Variants in KCNH7 observed in about 807,000 individuals in gnomAD.
KCNH7 encodes voltage-gated inwardly rectifying potassium channel KCNH7.
KCNH7 carries 49 observed loss-of-function variants against 120.8 expected under a neutral mutation model. The observed-to-expected ratio is 0.41, with a 90% confidence interval of 0.32 to 0.51. KCNH7 has a LOEUF of 0.51. KCNH7 is among the 20% of genes least tolerant of loss of function. The pLI is 0.38. For synonymous variants in KCNH7, 547 were observed against 516.1 expected, an observed-to-expected ratio of 1.06 and a Z score of -0.81; for missense variants, 1,097 against 1,446.6, an observed-to-expected ratio of 0.76 and a Z score of 3.92.
At chr2:162,583,061 C>T (rs938500495) in intron 2 of KCNH7, among the ~76,000 whole-genome samples, 1 of 151,026 alleles carries the variant, frequency 6.6e-6, no homozygotes. Context: ...GTGGTAAATG[C>T]TAAATTTCAA....
intron 12 of KCNH7, among the ~76,000 whole-genome samples, chr2:162,388,444 T>C (rs1402857429): frequency 1.3e-5 from 2 of 151,824 alleles, no homozygotes; most frequent in Non-Finnish European, 2.9e-5. Context: ...TTTCATAATG[T>C]ATACAAATAT....
intron 6 of KCNH7, among the ~76,000 whole-genome samples, chr2:162,473,623 T>G (rs1297193698): frequency 6.6e-6 from 1 of 152,196 alleles, no homozygotes; most frequent in African/African-American, 2.4e-5. Flanking sequence ...TCTGCCCACA[T>G]TCATTAAGGA....
intron 2 of KCNH7, among the ~76,000 whole-genome samples, chr2:162,682,721 T>C (rs1022514067): frequency 6.6e-6 from 1 of 151,828 alleles, no homozygotes; most frequent in Non-Finnish European, 1.5e-5. Flanking sequence ...GTAATCGCTG[T>C]TGTAATCAAA....
At chr2:162,602,071 C>T (rs1311604925) in intron 2 of KCNH7, among the ~76,000 whole-genome samples, 1 of 151,878 alleles carries the variant, frequency 6.6e-6, no homozygotes, top group Non-Finnish European at 1.5e-5. Context: ...TTGGAGAGGA[C>T]CCACATAGGA....
At chr2:162,647,141 T>A (rs973000088) in intron 2 of KCNH7, among the ~76,000 whole-genome samples, 22 of 152,320 alleles carry the variant, frequency 1.4e-4, no homozygotes, top group South Asian at 1.0e-3. Context: ...TTAGTTTATG[T>A]GTCCACCTAA....
At chr2:162,715,843 A>C (rs1687099233) in intron 2 of KCNH7, among the ~76,000 whole-genome samples, 1 of 152,122 alleles carries the variant, frequency 6.6e-6, no homozygotes, top group Non-Finnish European at 1.5e-5. Flanking sequence ...TATGGGAAGT[A>C]TGTTTAGAAT....
intron 6 of KCNH7, among the ~76,000 whole-genome samples, chr2:162,489,327 T>G (rs764635302): frequency 6.6e-6 from 1 of 152,138 alleles, no homozygotes; most frequent in Non-Finnish European, 1.5e-5. Context: ...GAATAATTGT[T>G]TTGGGCCACA....
At chr2:162,795,024 G>GATA in intron 2 of KCNH7, among the ~76,000 whole-genome samples, 1 of 151,844 alleles carries the variant, frequency 6.6e-6, no homozygotes, top group East Asian at 1.9e-4. Flanking sequence ...TTGACCAGTT[G>GATA]GTCAGTAGTT....
At chr2:162,696,580 T>G (rs912943617) in intron 2 of KCNH7, among the ~76,000 whole-genome samples, 2 of 152,120 alleles carry the variant, frequency 1.3e-5, no homozygotes, top group African/African-American at 4.8e-5. Context: ...CAAAGACCAC[T>G]GCACTAGCAA....
chr2:162,829,582 G>T (rs1025264025), intron 2 of KCNH7, among the ~76,000 whole-genome samples: 4 of 152,082 alleles, frequency 2.6e-5, no homozygotes, highest in African/African-American at 9.7e-5. Context: ...GCAAGTGAGT[G>T]ACACTTAGGT....
intron 2 of KCNH7, among the ~76,000 whole-genome samples, chr2:162,609,969 G>C (rs1682908758): frequency 6.6e-6 from 1 of 152,188 alleles, no homozygotes; most frequent in Non-Finnish European, 1.5e-5. Context: ...GGAGGGTTCA[G>C]ATTCTAAGCT....
chr2:162,805,641 T>C (rs1684512221), intron 2 of KCNH7, among the ~76,000 whole-genome samples: 1 of 152,112 alleles, frequency 6.6e-6, no homozygotes, highest in Non-Finnish European at 1.5e-5. Context: ...GGTGGGAATA[T>C]AAATTAGGAT....
chr2:162,507,750 C>G (rs1377465472), intron 5 of KCNH7, among the ~76,000 whole-genome samples: 2 of 151,498 alleles, frequency 1.3e-5, no homozygotes, highest in African/African-American at 4.8e-5. Flanking sequence ...ACCATACTTC[C>G]TTATTTTCTC....
At chr2:162,586,344 A>T (rs1479161703) in intron 2 of KCNH7, among the ~76,000 whole-genome samples, 2 of 151,948 alleles carry the variant, frequency 1.3e-5, no homozygotes, top group African/African-American at 4.8e-5. Flanking sequence ...AGAGCACCAG[A>T]CTCTGAAAAA....
intron 2 of KCNH7, among the ~76,000 whole-genome samples, chr2:162,683,895 C>T (rs1215928897): frequency 2.0e-5 from 3 of 151,950 alleles, no homozygotes; most frequent in Non-Finnish European, 4.4e-5. Flanking sequence ...CAAGACAATC[C>T]TAAGCAAAAA....
At chr2:162,678,456 CTA>C in intron 2 of KCNH7, among the ~76,000 whole-genome samples, 1 of 151,440 alleles carries the variant, frequency 6.6e-6, no homozygotes, top group East Asian at 1.9e-4. Flanking sequence ...TAAAAATATT[CTA>C]TGTCTAATAA....
intron 6 of KCNH7, among the ~76,000 whole-genome samples, chr2:162,499,214 T>A (rs931604875): frequency 2.0e-5 from 3 of 152,140 alleles, no homozygotes; most frequent in Non-Finnish European, 4.4e-5. Context: ...CTTAGAATAG[T>A]GCAAAAGTGT....
At chr2:162,704,166 C>A (rs1686613029) in intron 2 of KCNH7, among the ~76,000 whole-genome samples, 1 of 151,958 alleles carries the variant, frequency 6.6e-6, no homozygotes, top group Non-Finnish European at 1.5e-5. Context: ...TTCTGTTATG[C>A]CTCCCCAGCC....
chr2:162,582,554 A>T (rs1233880469), intron 2 of KCNH7, among the ~76,000 whole-genome samples: 1 of 151,936 alleles, frequency 6.6e-6, no homozygotes, highest in Non-Finnish European at 1.5e-5. Flanking sequence ...ATTTTTCATG[A>T]CTCAGCTTTG....
Sources: allele counts gnomAD v4.1 joint callset (sites outside exome capture counted in the v4.1 genomes callset), GRCh38; gene constraint gnomAD v4.1.1; transcripts MANE v1.5; gene names NCBI Gene and HGNC (gene_info 2026-07-23, HGNC 2026-07-21).